Variants in PPM1E observed in about 807,000 individuals in gnomAD.
PPM1E encodes protein phosphatase 1E.
A neutral mutation model predicts 65.9 loss-of-function variants in PPM1E; 20 were observed. That is an observed-to-expected ratio of 0.30 (90% CI 0.21 to 0.44). The LOEUF (loss-of-function observed/expected upper bound fraction) is 0.44. Ranked by LOEUF, PPM1E falls within the 20% of genes least tolerant of loss-of-function variation. The pLI is 1.00. For missense variants in PPM1E, 713 were observed against 953.1 expected, an observed-to-expected ratio of 0.75 and a Z score of 3.32; for synonymous variants, 352 against 374.9, an observed-to-expected ratio of 0.94 and a Z score of 0.70.
chr17:58,796,108 A>G (rs2050203778), intron 1 of PPM1E, among the ~76,000 whole-genome samples: 2 of 152,150 alleles, frequency 1.3e-5, no homozygotes, highest in Non-Finnish European at 2.9e-5. Flanking sequence ...GCTGGAGTGC[A>G]GTGGCACAAT....
chr17:58,867,683 C>T (rs1167301456), intron 1 of PPM1E, among the ~76,000 whole-genome samples: 1 of 152,090 alleles, frequency 6.6e-6, no homozygotes, highest in Non-Finnish European at 1.5e-5. Context: ...ATTCAGTATC[C>T]TCTATGGCAA....
chr17:58,856,615 A>G (rs2050885210), intron 1 of PPM1E, among the ~76,000 whole-genome samples: 1 of 152,188 alleles, frequency 6.6e-6, no homozygotes, highest in Admixed American at 6.6e-5. Context: ...GAGGTAATTA[A>G]TGTTAAATGA....
intron 1 of PPM1E, among the ~76,000 whole-genome samples, chr17:58,942,139 A>G (rs2052080819): frequency 6.6e-6 from 1 of 152,156 alleles, no homozygotes; most frequent in Non-Finnish European, 1.5e-5. Context: ...TAATCCCAGT[A>G]CTTTGGGAGG....
intron 2 of PPM1E, among the ~76,000 whole-genome samples, chr17:58,959,691 A>T (rs1026296616): frequency 2.0e-5 from 3 of 151,814 alleles, no homozygotes; most frequent in African/African-American, 7.2e-5. Flanking sequence ...AAAAATCTTA[A>T]GTAAAATATT....
intron 1 of PPM1E, among the ~76,000 whole-genome samples, chr17:58,816,550 C>T (rs1603161): frequency 8.6e-5 from 13 of 150,978 alleles, no homozygotes; most frequent in African/African-American, 3.2e-4. Flanking sequence ...CTTTCCATTT[C>T]TTCCTTCCCC....
At chr17:58,929,059 C>G (rs1007242768) in intron 1 of PPM1E, among the ~76,000 whole-genome samples, 1 of 151,874 alleles carries the variant, frequency 6.6e-6, no homozygotes, top group Non-Finnish European at 1.5e-5. Context: ...TGGATACAGC[C>G]CACGTATTCA....
chr17:58,948,172 T>C (rs766016092), intron 1 of PPM1E, among the ~76,000 whole-genome samples: 3 of 152,182 alleles, frequency 2.0e-5, no homozygotes, highest in Non-Finnish European at 4.4e-5. Context: ...ACCTCACCCA[T>C]GTTTAGATTA....
intron 1 of PPM1E, among the ~76,000 whole-genome samples, chr17:58,824,745 C>A (rs569937540): frequency 1.3e-5 from 2 of 150,448 alleles, no homozygotes; most frequent in African/African-American, 2.4e-5. Flanking sequence ...CCCGTCACCA[C>A]GCCTGGCTAA....
chr17:58,837,545 T>G (rs1319374184), intron 1 of PPM1E, among the ~76,000 whole-genome samples: 1 of 149,486 alleles, frequency 6.7e-6, no homozygotes, highest in African/African-American at 2.5e-5. Context: ...TCACCTAGAC[T>G]AGAGTGCAGT....
At chr17:58,789,761 TAA>T (rs1046577627) in intron 1 of PPM1E, among the ~76,000 whole-genome samples, 5 of 130,902 alleles carry the variant, frequency 3.8e-5, no homozygotes, top group Non-Finnish European at 6.7e-5. Flanking sequence ...TATATATATA[TAA>T]AATGCAAATA....
chr17:58,982,534 A>G lies in PPM1E; in HGVS notation c.*1503A>G. 1 of 211,004 alleles carries G rather than the reference A, an allele frequency of 4.7e-6. No homozygotes were observed. The highest frequency in any genetic ancestry group is 9.6e-6 in the Non-Finnish European group (1 of 104,138). The allele number at this position is 211,004 out of a possible 1,614,324, so 13.1% of individuals were successfully genotyped here. A position where few individuals can be genotyped will look rare whatever the true frequency, so the allele number is the denominator to read the frequency against. On this transcript the variant is annotated 3_prime_UTR_variant, in exon 7 of 7. Coordinates refer to ENST00000308249, the MANE Select transcript of PPM1E (RefSeq NM_014906.5). ...GTTTATAGGATAGTACACGTTCCCC[A>G]GGCCCATAACAGAGGACTAAAATCT...
intron 1 of PPM1E, among the ~76,000 whole-genome samples, chr17:58,776,467 AAT>A (rs1214321075): frequency 6.6e-6 from 1 of 152,194 alleles, no homozygotes; most frequent in Non-Finnish European, 1.5e-5. Context: ...TTATATATAA[AAT>A]ATGTTTAGTA....
intron 1 of PPM1E, among the ~76,000 whole-genome samples, chr17:58,833,898 G>T (rs1598600288): frequency 6.6e-6 from 1 of 152,088 alleles, no homozygotes; most frequent in Admixed American, 6.6e-5. Context: ...TCCGACATCT[G>T]TTGTTTTTTG....
chr17:58,944,467 C>A (rs923819720), intron 1 of PPM1E, among the ~76,000 whole-genome samples: 1 of 152,132 alleles, frequency 6.6e-6, no homozygotes, highest in Non-Finnish European at 1.5e-5. Flanking sequence ...AAACCCCCTA[C>A]CTATTAGCAG....
At chr17:58,966,871 T>C (rs754365964) in intron 3 of PPM1E, 1 of 152,502 alleles carries the variant, frequency 6.6e-6, no homozygotes, top group Non-Finnish European at 1.5e-5. Flanking sequence ...CAAGGTCTAA[T>C]CAGCAATGAT....
At chr17:58,823,892 G>A (rs1018774403) in intron 1 of PPM1E, among the ~76,000 whole-genome samples, 5 of 151,726 alleles carry the variant, frequency 3.3e-5, no homozygotes, top group African/African-American at 9.7e-5. Context: ...CACCACACCC[G>A]GCTAATTTTT....
chr17:58,814,912 T>C (rs2050401265), intron 1 of PPM1E, among the ~76,000 whole-genome samples: 1 of 152,236 alleles, frequency 6.6e-6, no homozygotes, highest in African/African-American at 2.4e-5. Context: ...TGGTGAACCC[T>C]TTAGTTGTGC....
At position 58,938,728 on chromosome 17, in the gene PPM1E, A is replaced by G. The variant is rs193022679; in HGVS notation, c.465-16921A>G. The stretch of plus-strand genomic sequence containing the variant: ...AATTTAAAGAAATCAGTACTTATCT[A>G]GAGCATAAGAAATGAACATGCTCAG... On this transcript the variant is annotated intron_variant, in intron 1 of 6. Coordinates refer to ENST00000308249, the MANE Select transcript of PPM1E (RefSeq NM_014906.5). Among the ~76,000 whole-genome samples, 46 of 152,066 alleles carry G rather than the reference A, an allele frequency of 3.0e-4. No individual in the cohort carries two copies. In the East Asian group the frequency reaches 3.1e-3, roughly 10 times the overall value.
intron 1 of PPM1E, among the ~76,000 whole-genome samples, chr17:58,902,326 CG>C (rs1302947673): frequency 6.7e-6 from 1 of 149,822 alleles, no homozygotes; most frequent in Non-Finnish European, 1.5e-5. Flanking sequence ...TATAGATCTT[CG>C]TGGGGGAAAA....
Sources: gnomAD v4.1 joint callset for allele counts (sites outside exome capture counted in the v4.1 genomes callset) on GRCh38, gnomAD v4.1.1 for gene constraint, MANE v1.5 for transcripts, NCBI Gene and HGNC (gene_info 2026-07-23, HGNC 2026-07-21) for gene names.